HMCN1: variants seen among roughly 807,000 people sequenced by gnomAD.
HMCN1 encodes hemicentin 1.
In HMCN1, 321 loss-of-function variants were observed where a neutral mutation model predicts 625.9. The observed-to-expected ratio is 0.51, with a 90% CI of 0.47 to 0.56. HMCN1 has a LOEUF of 0.56. Among genes scored for constraint, HMCN1 ranks in the 20% least tolerant of loss-of-function variants. HMCN1 has a pLI of 0.00. For synonymous variants in HMCN1, 2,425 were observed against 2,417.6 expected (o/e 1.00, Z -0.09); for missense variants, 6,588 against 6,887.3 (o/e 0.96, Z 1.54).
chr1:186,169,778 CT>C (rs1166474325), intron 100 of HMCN1, among the ~76,000 whole-genome samples: 1 of 152,070 alleles, frequency 6.6e-6, no homozygotes, highest in Non-Finnish European at 1.5e-5. Context: ...TAGGCAAAGA[CT>C]TCATGACTAA....
chr1:186,117,514 A>G lies in HMCN1; in HGVS notation c.11739A>G (p.Pro3913=). The change falls in exon 77 of 107, where the codon CCA becomes CCG. Residue 3913 remains proline (P), a synonymous_variant. Coordinates refer to ENST00000271588, the MANE Select transcript of HMCN1 (RefSeq NM_031935.3). ...ATTTCCTAGTAACCAAACATGCCCC[A>G]GCAGTAATTACCTGCACTGCTTCGG... ...PTDFLVTKHA[P]AVITCTASGV... 1 of 1,613,932 alleles carries G rather than the reference A, an allele frequency of 6.2e-7. No homozygotes were observed. Among genetic ancestry groups the G allele is most frequent in the Non-Finnish European group, 8.5e-7 (1 of 1,179,866 alleles).
At chr1:185,822,098 G>C (rs546411809) in intron 1 of HMCN1, among the ~76,000 whole-genome samples, 2 of 152,160 alleles carry the variant, frequency 1.3e-5, no homozygotes, top group East Asian at 3.9e-4. Flanking sequence ...TTGGGGCAGT[G>C]AAATTACTCC....
intron 104 of HMCN1, 95 bp downstream of exon 104, chr1:186,178,861 A>G (rs1268363311): frequency 1.1e-5 from 10 of 881,740 alleles, no homozygotes; most frequent in Non-Finnish European, 1.9e-5. Context: ...GCAGTGAACT[A>G]CATCTGATCT....
intron 4 of HMCN1, among the ~76,000 whole-genome samples, chr1:185,897,249 T>G (rs1199587077): frequency 1.3e-5 from 2 of 152,236 alleles, no homozygotes; most frequent in Admixed American, 6.5e-5. Flanking sequence ...GATCATTTAT[T>G]TATTTTTTGC....
At position 186,144,299 on chromosome 1, in the gene HMCN1, G is replaced by T. The variant is rs778307391; in HGVS notation, c.14051G>T (p.Gly4684Val). 5 of 1,613,850 alleles carry T rather than the reference G, an allele frequency of 3.1e-6. No homozygotes were observed. Among genetic ancestry groups the T allele is most frequent in the Non-Finnish European group, 4.2e-6 (5 of 1,179,990 alleles). ...GCGTTTGGTGGGTCCTACTGTGATG[G>T]AGCAGAAACACAGATGCAAGTTTGC... is the stretch of plus-strand genomic sequence containing the variant. Reference protein sequence around the residue: ...PPAFGGSYCDGAETQMQVCNE... With the variant: ...PPAFGGSYCDVAETQMQVCNE... The change falls in exon 90 of 107, where the codon GGA (glycine) becomes GTA (valine). Residue 4684 changes from glycine to valine, a missense_variant. By Grantham distance (109) the Gly-to-Val change is moderately radical (BLOSUM62 -3). Transcript: ENST00000271588.
intron 17 of HMCN1, among the ~76,000 whole-genome samples, chr1:185,981,624 ATC>A (rs776852651): frequency 6.6e-5 from 10 of 152,164 alleles, no homozygotes; most frequent in Non-Finnish European, 8.8e-5. Context: ...TGATTTTTAT[ATC>A]TGTCAGTACA....
intron 1 of HMCN1, among the ~76,000 whole-genome samples, chr1:185,798,303 A>T (rs1288128395): frequency 6.6e-6 from 1 of 152,128 alleles, no homozygotes; most frequent in African/African-American, 2.4e-5. Context: ...CTTTATAGGC[A>T]ATTAGATGCT....
At chr1:186,168,690 G>T (rs1354465848) in intron 100 of HMCN1, among the ~76,000 whole-genome samples, 1 of 152,090 alleles carries the variant, frequency 6.6e-6, no homozygotes, top group Non-Finnish European at 1.5e-5. Flanking sequence ...AGACCTGAGA[G>T]AGGGATTTGG....
At chr1:185,853,104 A>T (rs908296352) in intron 2 of HMCN1, among the ~76,000 whole-genome samples, 1 of 152,130 alleles carries the variant, frequency 6.6e-6, no homozygotes. Flanking sequence ...TCAAGTTAAC[A>T]TATTTATTTA....
In HMCN1 at chr1:186,019,554, C is replaced by T; in HGVS notation, c.5484C>T (p.Ile1828=). The T allele has an allele frequency of 1.6e-5, 25 of 1,609,676 alleles. No homozygotes were observed. The highest frequency in any genetic ancestry group is 2.0e-5 in the Non-Finnish European group (23 of 1,176,406). Residue 1828 remains isoleucine, a synonymous_variant, in exon 35 of 107, where the codon ATC becomes ATT. Coordinates refer to ENST00000271588, the MANE Select transcript of HMCN1 (RefSeq NM_031935.3). ...FEVTVHVPPT[I]KSSGLSERVV... is the part of the protein sequence containing the mutation. ...CCTTAAATATAGTTCCTCCAACAAT[C>T]AAGTCCTCAGGCCTTTCTGAGAGAG...
At chr1:185,890,461 T>C (rs1421578237) in intron 4 of HMCN1, among the ~76,000 whole-genome samples, 1 of 146,278 alleles carries the variant, frequency 6.8e-6, no homozygotes, top group Non-Finnish European at 1.5e-5. Flanking sequence ...GCTATAAATT[T>C]CCCTCTACAC....
chr1:185,941,804 T>G (rs1185447848), intron 11 of HMCN1, among the ~76,000 whole-genome samples: 1 of 152,032 alleles, frequency 6.6e-6, no homozygotes, highest in Non-Finnish European at 1.5e-5. Flanking sequence ...ATGAAAAGAG[T>G]GATCTCTCTA....
chr1:186,110,916 G>A (rs1309755395), intron 71 of HMCN1, among the ~76,000 whole-genome samples: 5 of 149,380 alleles, frequency 3.3e-5, no homozygotes, highest in Non-Finnish European at 5.9e-5. Context: ...GGTTCTATCA[G>A]GAGACAAGTC....
At chr1:185,941,506 G>A (rs959558386) in intron 11 of HMCN1, among the ~76,000 whole-genome samples, 4 of 152,180 alleles carry the variant, frequency 2.6e-5, no homozygotes, top group African/African-American at 4.8e-5. Context: ...GTGTTACAGA[G>A]TAAGTCCTTT....
intron 1 of HMCN1, among the ~76,000 whole-genome samples, chr1:185,786,226 AT>A (rs1253160927): frequency 1.3e-5 from 2 of 152,126 alleles, no homozygotes; most frequent in Non-Finnish European, 2.9e-5. Flanking sequence ...CCCAGAAATC[AT>A]TTTCCCTAAC....
chr1:186,072,531 C>T (rs191836606), intron 52 of HMCN1, among the ~76,000 whole-genome samples: 1 of 152,164 alleles, frequency 6.6e-6, no homozygotes, highest in African/African-American at 2.4e-5. Context: ...CTAAACCAAA[C>T]CAATAAGACA....
intron 66 of HMCN1, among the ~76,000 whole-genome samples, chr1:186,093,902 C>T (rs1329221791): frequency 1.3e-5 from 2 of 151,876 alleles, no homozygotes; most frequent in East Asian, 1.9e-4. Flanking sequence ...CTTTTATAGA[C>T]AGGTTTGTTA....
At chr1:185,989,344 C>T in intron 20 of HMCN1, 144 bp from the exon 21 acceptor site, 1 of 964,858 alleles carries the variant, frequency 1.0e-6, no homozygotes, top group Non-Finnish European at 1.6e-6. Flanking sequence ...TAACTTTTTT[C>T]AAGTTAGCAT....
At chr1:185,998,901 AAGG>A (rs2102058085) in intron 25 of HMCN1, among the ~76,000 whole-genome samples, 1 of 152,280 alleles carries the variant, frequency 6.6e-6, no homozygotes, top group African/African-American at 2.4e-5. Flanking sequence ...ACTGAGATGT[AAGG>A]AGATGATTAC....
Sources: allele counts gnomAD v4.1 joint callset (sites outside exome capture counted in the v4.1 genomes callset), GRCh38; gene constraint gnomAD v4.1.1; transcripts MANE v1.5; gene names NCBI Gene and HGNC (gene_info 2026-07-23, HGNC 2026-07-21).